The following COL25A1 variants were observed in gnomAD, a reference collection of about 807,000 sequenced individuals.
COL25A1 encodes the protein collagen type XXV alpha 1 chain.
Under a neutral mutation model 128.4 loss-of-function variants are expected in COL25A1, and 103 were observed. The observed-to-expected ratio is 0.80, with a 90% CI of 0.68 to 0.94. COL25A1 has a LOEUF of 0.94. Ranked by LOEUF, COL25A1 falls within the 40% of genes least tolerant of loss-of-function variation. The pLI, the probability that COL25A1 is intolerant of heterozygous loss-of-function variation, is 0.00. For missense variants in COL25A1, 745 were observed against 840.0 expected (o/e 0.89, Z 1.40); for synonymous variants, 279 against 277.2 (o/e 1.01, Z -0.06).
chr4:109,124,860 T>C (rs1252970632), intron 3 of COL25A1, among the ~76,000 whole-genome samples: 1 of 152,058 alleles, frequency 6.6e-6, no homozygotes, highest in African/African-American at 2.4e-5. Flanking sequence ...TATAAAAATA[T>C]ATGTATATAT....
Position 109,301,963 on chromosome 4 carries a change from GTCC to G in COL25A1, c.54_56del (p.Glu18del). On this transcript the variant is annotated inframe_deletion, in exon 2 of 38. Transcript: ENST00000399132. Reference sequence around the variant, plus strand: ...CACAATGCTGTTCGGCAGGGGTCGGGTCCTCGGATCTGGGCTCCCGGCCCCCTC... The same window carrying G: ...CACAATGCTGTTCGGCAGGGGTCGGGTCGGATCTGGGCTCCCGGCCCCCTC... The G allele has an allele frequency of 6.2e-7, 1 of 1,611,626 alleles. No individual in the cohort carries two copies. Among genetic ancestry groups the G allele is most frequent in the Non-Finnish European group, 8.5e-7 (1 of 1,179,222 alleles).
At chr4:109,197,786 C>T (rs975767049) in intron 3 of COL25A1, among the ~76,000 whole-genome samples, 2 of 151,646 alleles carry the variant, frequency 1.3e-5, no homozygotes, top group Non-Finnish European at 2.9e-5. Flanking sequence ...GTATACCTGA[C>T]TATTACAGAT....
chr4:108,923,120 C>A lies in COL25A1; in HGVS notation c.709-2516G>T, dbSNP rs143245059. The stretch of plus-strand genomic sequence containing the variant: ...ACTTATATGCATTTGTTTTGAGTAT[C>A]CTTAGATTAATAATACCATTATGTA... On this transcript the variant is annotated intron_variant, in intron 11 of 37. Coordinates refer to ENST00000399132, the MANE Select transcript of COL25A1 (RefSeq NM_198721.4). Among the ~76,000 whole-genome samples the A allele has an allele frequency of 1.7e-3, 254 of 152,184 alleles. 8 individuals are homozygous for A. The East Asian group carries it at 0.04, about 24-fold the overall frequency.
chr4:109,215,787 A>C (rs1433909833), intron 3 of COL25A1, among the ~76,000 whole-genome samples: 1 of 152,108 alleles, frequency 6.6e-6, no homozygotes, highest in African/African-American at 2.4e-5. Flanking sequence ...GTCACCCAGT[A>C]AGCACTTAGC....
At chr4:109,052,708 G>T (rs1375452313) in intron 3 of COL25A1, among the ~76,000 whole-genome samples, 1 of 152,106 alleles carries the variant, frequency 6.6e-6, no homozygotes, top group African/African-American at 2.4e-5. Flanking sequence ...AAGATAATTT[G>T]ATCTTGCTTC....
intron 34 of COL25A1, 95 bp from the exon 35 acceptor site, chr4:108,824,322 T>A: frequency 1.2e-6 from 1 of 858,750 alleles, no homozygotes; most frequent in Non-Finnish European, 1.9e-6. Context: ...TTTCTGAGCT[T>A]AAATATAACA....
intron 3 of COL25A1, among the ~76,000 whole-genome samples, chr4:109,220,781 G>A (rs1426627342): frequency 6.6e-6 from 1 of 151,940 alleles, no homozygotes; most frequent in African/African-American, 2.4e-5. Context: ...TTTCTTTTTA[G>A]TACTCAAACA....
intron 8 of COL25A1, among the ~76,000 whole-genome samples, chr4:108,944,537 G>C (rs1270100269): frequency 6.6e-6 from 1 of 152,094 alleles, no homozygotes; most frequent in Admixed American, 6.5e-5. Flanking sequence ...ACTTGAAACA[G>C]GATTATCTAA....
chr4:109,253,489 G>A (rs75992736), intron 3 of COL25A1, among the ~76,000 whole-genome samples: 5,990 of 152,092 alleles, frequency 0.039, 406 homozygotes, highest in African/African-American at 0.14. Flanking sequence ...CACCCACATC[G>A]GGGAAGGCCA....
intron 3 of COL25A1, among the ~76,000 whole-genome samples, chr4:109,122,266 C>T (rs939819711): frequency 6.6e-6 from 1 of 152,000 alleles, no homozygotes; most frequent in Non-Finnish European, 1.5e-5. Context: ...CTAATGTAAA[C>T]TATGGACTCC....
intron 3 of COL25A1, among the ~76,000 whole-genome samples, chr4:109,119,665 C>T (rs893534189): frequency 6.6e-6 from 1 of 151,924 alleles, no homozygotes; most frequent in Non-Finnish European, 1.5e-5. Context: ...CAAAACAGCA[C>T]CAAACCAAGA....
Position 108,973,483 on chromosome 4 carries a change from C to T in COL25A1, c.492+884G>A, listed in dbSNP as rs576712445. Among the ~76,000 whole-genome samples the T allele has an allele frequency of 2.0e-5, 3 of 152,334 alleles. No homozygotes were observed. The East Asian group carries it at 5.8e-4, about 29-fold the overall frequency. On this transcript the variant is annotated intron_variant, in intron 8 of 37. Transcript: ENST00000399132. ...AACTGCATCTTTTGCAAAAATATCT[C>T]TATGCAGTATAAATGCATTTAATAA...
intron 3 of COL25A1, among the ~76,000 whole-genome samples, chr4:109,183,837 T>C (rs1329245714): frequency 6.6e-6 from 1 of 151,896 alleles, no homozygotes; most frequent in Non-Finnish European, 1.5e-5. Context: ...AGTGTCCAAG[T>C]TGAAAGGTAA....
chr4:108,858,273 A>G (rs1373038127), intron 24 of COL25A1, among the ~76,000 whole-genome samples: 1 of 152,154 alleles, frequency 6.6e-6, no homozygotes, highest in East Asian at 1.9e-4. Context: ...AGTGATACAC[A>G]AGATGAATTA....
At chr4:109,027,936 T>C (rs1286338661) in intron 5 of COL25A1, among the ~76,000 whole-genome samples, 2 of 152,090 alleles carry the variant, frequency 1.3e-5, no homozygotes, top group Admixed American at 6.6e-5. Context: ...AAACGTTGAA[T>C]AGATAGTTGG....
chr4:109,042,669 T>A (rs563246687), intron 5 of COL25A1, among the ~76,000 whole-genome samples: 1 of 152,064 alleles, frequency 6.6e-6, no homozygotes, highest in African/African-American at 2.4e-5. Flanking sequence ...TGAGTCCAAA[T>A]ATAAATTTTT....
intron 35 of COL25A1, chr4:108,819,939 G>A (rs1731618710): frequency 1.0e-6 from 1 of 961,268 alleles, no homozygotes; most frequent in African/African-American, 1.7e-5. Context: ...AATTTTATTT[G>A]GGGGAAAATA....
intron 35 of COL25A1, among the ~76,000 whole-genome samples, chr4:108,820,542 CT>C (rs1731669950): frequency 1.3e-5 from 2 of 152,062 alleles, no homozygotes; most frequent in African/African-American, 4.8e-5. Flanking sequence ...AAATACTTTC[CT>C]TATTAAGTCA....
intron 3 of COL25A1, among the ~76,000 whole-genome samples, chr4:109,298,034 T>C (rs1725159487): frequency 6.6e-6 from 1 of 151,954 alleles, no homozygotes; most frequent in Non-Finnish European, 1.5e-5. Context: ...AGACTGGGCT[T>C]TTAGTTCTAT....
Sources: gnomAD v4.1 joint callset for allele counts (sites outside exome capture counted in the v4.1 genomes callset) on GRCh38, gnomAD v4.1.1 for gene constraint, MANE v1.5 for transcripts, NCBI Gene and HGNC (gene_info 2026-07-23, HGNC 2026-07-21) for gene names.